Variants in ATL2 observed in about 807,000 individuals in gnomAD.
The protein encoded by ATL2 is atlastin GTPase 2, also known as atlastin-2.
ATL2 carries 31 observed loss-of-function variants against 73.9 expected under a neutral mutation model. The observed-to-expected ratio is 0.42, with a 90% CI of 0.32 to 0.57. The LOEUF is 0.57. Ranked by LOEUF, ATL2 falls within the 20% of genes least tolerant of loss-of-function variation. The probability of loss-of-function intolerance (pLI) is 0.14; values close to 1 mark genes in which losing one functional copy is unlikely to be tolerated. For missense variants in ATL2, 738 were observed against 702.6 expected (o/e 1.05, Z -0.57); for synonymous variants, 291 against 237.5 (o/e 1.23, Z -2.07).
chr2:38,343,549 C>A, intron 1 of ATL2, 37 bp from the exon 2 acceptor site: 1 of 1,570,452 alleles, frequency 6.4e-7, no homozygotes, highest in East Asian at 2.2e-5. Context: ...TTACTTTAAT[C>A]CCTATATTAC....
rs1666863862 is a variant in ATL2, at chr2:38,295,878, G to C, written c.*116C>G. The stretch of plus-strand genomic sequence containing the variant: ...TCTGTGGCAGCCATCTGTGAAGCCA[G>C]TTACACTAAACTACTTCTACAGTTG... On this transcript the variant is annotated 3_prime_UTR_variant, in exon 13 of 13. Transcript: ENST00000378954. 4 of 872,826 alleles carry C rather than the reference G, an allele frequency of 4.6e-6. No individual in the cohort carries two copies. Among genetic ancestry groups the C allele is most frequent in the Non-Finnish European group, 6.8e-6 (4 of 586,242 alleles). The allele number at this position is 872,826 out of a possible 1,614,324, so 54.1% of individuals were successfully genotyped here. A position where few individuals can be genotyped will look rare whatever the true frequency, so the allele number is the denominator to read the frequency against.
chr2:38,310,583 C>CA (rs1173950727), intron 7 of ATL2, 136 bp from the exon 8 acceptor site: 4 of 434,914 alleles, frequency 9.2e-6, no homozygotes, highest in Non-Finnish European at 1.4e-5. Context: ...TTTGACAATA[C>CA]AAAAAATTAT....
intron 1 of ATL2, among the ~76,000 whole-genome samples, chr2:38,370,448 CAAAA>C (rs55964015): frequency 0.011 from 632 of 55,064 alleles, 1 homozygote; most frequent in Non-Finnish European, 0.019. Flanking sequence ...GACTCTGTCC[CAAAA>C]AAAAAAAAAA....
At chr2:38,333,210 G>C (rs1345471322) in intron 2 of ATL2, among the ~76,000 whole-genome samples, 1 of 151,958 alleles carries the variant, frequency 6.6e-6, no homozygotes, top group Non-Finnish European at 1.5e-5. Flanking sequence ...GATCACCTGA[G>C]CCCAGGAGTT....
intron 1 of ATL2, among the ~76,000 whole-genome samples, chr2:38,364,278 T>G (rs1671177821): frequency 6.6e-6 from 1 of 151,810 alleles, no homozygotes; most frequent in Admixed American, 6.6e-5. Context: ...TAAAATAAAA[T>G]AAAATAAAAA....
chr2:38,356,624 T>C (rs747372561), intron 1 of ATL2, among the ~76,000 whole-genome samples: 2 of 152,204 alleles, frequency 1.3e-5, no homozygotes, highest in African/African-American at 2.4e-5. Context: ...ACTGAAAAAG[T>C]AGACATGTAT....
rs1200239363 is a variant in ATL2, at chr2:38,377,265, T to C, written c.-5A>G. 1.3e-6 allele frequency: 2 copies of C among 1,567,418 alleles called. No homozygotes were observed. Among genetic ancestry groups the C allele is most frequent in the African/African-American group, 1.4e-5 (1 of 73,424 alleles). ...TGCCTCGTCCCCCTCCGCCATCTTG[T>C]ACCGATTTAAAATTAACTCCCCACT... On this transcript the variant is annotated 5_prime_UTR_variant, in exon 1 of 13. Transcript: ENST00000378954.
chr2:38,370,375 G>A (rs1397566866), intron 1 of ATL2, among the ~76,000 whole-genome samples: 1 of 146,968 alleles, frequency 6.8e-6, no homozygotes, highest in Non-Finnish European at 1.5e-5. Context: ...CTTGAACCTG[G>A]GAGGCGGAGG....
chr2:38,307,526 G>C (rs951942048), intron 9 of ATL2, among the ~76,000 whole-genome samples: 1 of 151,856 alleles, frequency 6.6e-6, no homozygotes, highest in Non-Finnish European at 1.5e-5. Context: ...AAAACATTGG[G>C]GAAACCTTCC....
Position 38,361,320 on chromosome 2 carries a change from C to T in ATL2, c.118+15823G>A, listed in dbSNP as rs569359801. ...AGCGAGCCGAGATCGCGCCACTGCA[C>T]GCCAGCCTGGGTGACAGAGCAAGAC... On this transcript the variant is annotated intron_variant, in intron 1 of 12. Transcript: ENST00000378954. Among the ~76,000 whole-genome samples, 13 of 142,770 alleles carry T rather than the reference C, an allele frequency of 9.1e-5. No homozygotes were observed. The South Asian group carries it at 2.6e-3, about 29-fold the overall frequency. 93.7% of individuals were successfully genotyped at this position (142,770 alleles called of 152,430 possible). A position where few individuals can be genotyped will look rare whatever the true frequency, so the allele number is the denominator to read the frequency against.
chr2:38,370,414 G>C (rs1256201330), intron 1 of ATL2, among the ~76,000 whole-genome samples: 2 of 125,178 alleles, frequency 1.6e-5, no homozygotes, highest in African/African-American at 6.2e-5. Flanking sequence ...GCGCCACTGC[G>C]CTCCAGCCTG....
At chr2:38,320,851 C>A (rs1240387456) in intron 2 of ATL2, among the ~76,000 whole-genome samples, 1 of 151,910 alleles carries the variant, frequency 6.6e-6, no homozygotes, top group Non-Finnish European at 1.5e-5. Context: ...AAAACAAAAA[C>A]AAAACAGTGT....
chr2:38,308,411 A>G (rs1667568297), intron 9 of ATL2, among the ~76,000 whole-genome samples: 1 of 152,130 alleles, frequency 6.6e-6, no homozygotes, highest in South Asian at 2.1e-4. Context: ...TAAACAACTG[A>G]ACTCATGCGA....
intron 2 of ATL2, among the ~76,000 whole-genome samples, chr2:38,339,494 C>G (rs1669574669): frequency 6.6e-6 from 1 of 151,914 alleles, no homozygotes; most frequent in African/African-American, 2.4e-5. Flanking sequence ...TATACAGGCT[C>G]TCTTTGTTAT....
At chr2:38,357,651 CAAAAAAA>C (rs1212548216) in intron 1 of ATL2, among the ~76,000 whole-genome samples, 1 of 66,350 alleles carries the variant, frequency 1.5e-5, no homozygotes, top group East Asian at 4.3e-4. Flanking sequence ...GACTCCGTCT[CAAAAAAA>C]AAAAAAAAAA....
intron 1 of ATL2, among the ~76,000 whole-genome samples, chr2:38,352,852 G>C (rs779723322): frequency 2.6e-5 from 4 of 152,166 alleles, no homozygotes; most frequent in African/African-American, 4.8e-5. Context: ...AGATCTGCAA[G>C]GTACACAGTT....
At chr2:38,360,996 T>A (rs11900967) in intron 1 of ATL2, among the ~76,000 whole-genome samples, 36,125 of 151,572 alleles carry the variant, frequency 0.24, 4,349 homozygotes, top group South Asian at 0.35. Flanking sequence ...AGAATTGAAA[T>A]TAATGCATAA....
intron 1 of ATL2, among the ~76,000 whole-genome samples, chr2:38,360,120 C>G (rs1468496969): frequency 7.8e-6 from 1 of 128,152 alleles, no homozygotes; most frequent in African/African-American, 3.3e-5. Flanking sequence ...CAGAGCAAGG[C>G]TCCATTTCAA....
intron 2 of ATL2, among the ~76,000 whole-genome samples, chr2:38,341,573 G>C (rs1265840647): frequency 2.0e-5 from 3 of 152,230 alleles, no homozygotes; most frequent in East Asian, 3.9e-4. Flanking sequence ...AGGAGGTTGG[G>C]CTGCAGTCTA....
Sources: gnomAD v4.1 joint callset for allele counts (sites outside exome capture counted in the v4.1 genomes callset) on GRCh38, gnomAD v4.1.1 for gene constraint, MANE v1.5 for transcripts, NCBI Gene and HGNC (gene_info 2026-07-23, HGNC 2026-07-21) for gene names.